Variants in MTUS2 observed in about 807,000 individuals in gnomAD.
MTUS2 encodes the protein microtubule associated scaffold protein 2.
MTUS2 carries 40 observed loss-of-function variants against 114.1 expected under a neutral mutation model. The observed-to-expected ratio is 0.35, with a 90% CI of 0.27 to 0.46. MTUS2 has a LOEUF of 0.46. Ranked by LOEUF, MTUS2 falls within the 20% of genes least tolerant of loss-of-function variation. The pLI is 1.00. For synonymous variants in MTUS2, 688 were observed against 672.0 expected, an observed-to-expected ratio of 1.02 and a Z score of -0.37; for missense variants, 1,679 against 1,705.4, an observed-to-expected ratio of 0.98 and a Z score of 0.27.
At chr13:29,327,342 C>T (rs373651415) in intron 7 of MTUS2, among the ~76,000 whole-genome samples, 1 of 152,158 alleles carries the variant, frequency 6.6e-6, no homozygotes, top group African/African-American at 2.4e-5. Context: ...AGATAACACA[C>T]ATGTCCACCA....
At chr13:28,864,772 T>C (rs144150132) in intron 2 of MTUS2, among the ~76,000 whole-genome samples, 93 of 152,322 alleles carry the variant, frequency 6.1e-4, no homozygotes, top group African/African-American at 2.2e-3. Context: ...AAAAATTGGG[T>C]GTTTTCCCAG....
chr13:29,079,229 G>T (rs149326547), intron 4 of MTUS2, among the ~76,000 whole-genome samples: 57 of 152,070 alleles, frequency 3.7e-4, no homozygotes, highest in Non-Finnish European at 4.1e-4. Context: ...ATGTTCTTGG[G>T]GGAGATACCT....
At chr13:29,273,681 C>T (rs563426676) in intron 5 of MTUS2, among the ~76,000 whole-genome samples, 2 of 152,274 alleles carry the variant, frequency 1.3e-5, no homozygotes, top group Admixed American at 6.5e-5. Context: ...CAGAAGGAAA[C>T]CCTGAATCAA....
intron 7 of MTUS2, among the ~76,000 whole-genome samples, chr13:29,337,637 G>C (rs1234445327): frequency 6.7e-6 from 1 of 148,296 alleles, no homozygotes; most frequent in East Asian, 2.0e-4. Flanking sequence ...GGTCTCACTC[G>C]GTCACCCAGA....
At chr13:29,216,728 T>A (rs570271420) in intron 5 of MTUS2, among the ~76,000 whole-genome samples, 2 of 152,308 alleles carry the variant, frequency 1.3e-5, no homozygotes, top group Admixed American at 1.3e-4. Context: ...AACCGGGTAT[T>A]TCAGTTGGAA....
chr13:28,879,018 C>T (rs1320057944), intron 2 of MTUS2, among the ~76,000 whole-genome samples: 2 of 152,152 alleles, frequency 1.3e-5, no homozygotes, highest in Non-Finnish European at 2.9e-5. Flanking sequence ...TAATAATTGC[C>T]ATTCTGACTG....
intron 2 of MTUS2, among the ~76,000 whole-genome samples, chr13:28,880,524 T>C (rs896038823): frequency 2.0e-5 from 3 of 152,148 alleles, no homozygotes; most frequent in African/African-American, 7.2e-5. Flanking sequence ...AAAGCAAAGG[T>C]TATAATAAAA....
intron 2 of MTUS2, among the ~76,000 whole-genome samples, chr13:28,872,266 T>A (rs1430702488): frequency 6.6e-6 from 1 of 150,954 alleles, no homozygotes; most frequent in Non-Finnish European, 1.5e-5. Flanking sequence ...TCATGGGGGG[T>A]GTAAGGGAAA....
Position 29,202,872 on chromosome 13 carries a change from C to T in MTUS2, c.2645-78832C>T, listed in dbSNP as rs200141406. Reference sequence around the variant, plus strand: ...AGCAAAGATTGCTGCCTGTTCCTTCCTCTGGAAGGTTTGTCCCAGAAGGGC... The same window carrying T: ...AGCAAAGATTGCTGCCTGTTCCTTCTTCTGGAAGGTTTGTCCCAGAAGGGC... On this transcript the variant is annotated intron_variant, in intron 5 of 15. Transcript: ENST00000612955. Among the ~76,000 whole-genome samples the T allele has an allele frequency of 9.8e-5, 15 of 152,316 alleles. No homozygotes were observed. The East Asian group carries it at 2.5e-3, about 26-fold the overall frequency.
intron 8 of MTUS2, among the ~76,000 whole-genome samples, chr13:29,389,258 CAT>C (rs1487630412): frequency 2.7e-4 from 29 of 105,546 alleles, no homozygotes; most frequent in African/African-American, 8.7e-4. Flanking sequence ...TATGTATACA[CAT>C]GTGTGTATAT....
intron 4 of MTUS2, among the ~76,000 whole-genome samples, chr13:29,081,672 TTATATTGTGGCTTGGGCATGTGTAGAGA>T (rs1290399300): frequency 1.3e-5 from 2 of 151,818 alleles, no homozygotes; most frequent in East Asian, 3.9e-4. Flanking sequence ...TGATGAGACC[TTATATTGTGGCTTGGGCATGTGTAGAGA>T]TATGTGTGAC....
chr13:29,125,594 T>C lies in MTUS2; in HGVS notation c.2644+24624T>C, dbSNP rs1891480228. ...GGTTTCATGCAGCCACTCCTGTGTT[T>C]TGTTTTCTTAGCCAAAGCACCTTAG... On this transcript the variant is annotated intron_variant, in intron 5 of 15. Transcript: ENST00000612955. 3.3e-5 allele frequency among the ~76,000 whole-genome samples: 5 copies of C among 152,228 alleles called. No individual in the cohort carries two copies. The South Asian group carries it at 1.0e-3, about 31-fold the overall frequency.
chr13:29,117,363 C>T (rs1367930967), intron 5 of MTUS2, among the ~76,000 whole-genome samples: 3 of 152,198 alleles, frequency 2.0e-5, no homozygotes, highest in Admixed American at 6.5e-5. Flanking sequence ...ATCACCTGTG[C>T]ATGAGGACAG....
intron 8 of MTUS2, among the ~76,000 whole-genome samples, chr13:29,429,142 C>T (rs999120377): frequency 3.3e-5 from 5 of 152,228 alleles, no homozygotes; most frequent in Admixed American, 3.3e-4. Context: ...GTAACTGTTG[C>T]ATTTTCCTGA....
chr13:29,438,559 T>G (rs1170259331), intron 8 of MTUS2, among the ~76,000 whole-genome samples: 2 of 151,976 alleles, frequency 1.3e-5, no homozygotes, highest in African/African-American at 4.8e-5. Flanking sequence ...TCCCTCTAAT[T>G]TTATTCCTGA....
intron 2 of MTUS2, among the ~76,000 whole-genome samples, chr13:28,947,442 T>A (rs954370919): frequency 6.6e-6 from 1 of 152,230 alleles, no homozygotes; most frequent in Admixed American, 6.5e-5. Flanking sequence ...TGATAGACAT[T>A]AACTTTTTTG....
chr13:29,432,139 C>T (rs1877047034), intron 8 of MTUS2, among the ~76,000 whole-genome samples: 1 of 151,820 alleles, frequency 6.6e-6, no homozygotes, highest in African/African-American at 2.4e-5. Flanking sequence ...AGGTGTGAGC[C>T]ACCATGCCTG....
intron 2 of MTUS2, among the ~76,000 whole-genome samples, chr13:28,882,461 G>T (rs1295613178): frequency 6.6e-6 from 1 of 152,138 alleles, no homozygotes; most frequent in African/African-American, 2.4e-5. Context: ...TTGGAGCTTG[G>T]TGCAATGGCT....
intron 5 of MTUS2, among the ~76,000 whole-genome samples, chr13:29,113,349 C>T (rs1246763363): frequency 2.6e-5 from 4 of 152,190 alleles, no homozygotes; most frequent in Admixed American, 2.6e-4. Flanking sequence ...GGCAGGTATG[C>T]CCACTTGCCT....
Sources: allele counts gnomAD v4.1 joint callset (sites outside exome capture counted in the v4.1 genomes callset), GRCh38; gene constraint gnomAD v4.1.1; transcripts MANE v1.5; gene names NCBI Gene and HGNC (gene_info 2026-07-23, HGNC 2026-07-21).